The following DSCAM variants were observed in gnomAD, a reference collection of about 807,000 sequenced individuals.
The protein encoded by DSCAM is cell adhesion molecule DSCAM.
In DSCAM, 47 loss-of-function variants were observed where a neutral mutation model predicts 217.7. The observed-to-expected ratio is 0.22, with a 90% CI of 0.17 to 0.28. The LOEUF is 0.28. Among genes scored for constraint, DSCAM ranks in the 10% least tolerant of loss-of-function variants. DSCAM has a pLI of 1.00. For missense variants in DSCAM, 2,080 were observed against 2,618.3 expected (o/e 0.79, Z 4.49); for synonymous variants, 1,056 against 1,015.3 (o/e 1.04, Z -0.76).
chr21:40,325,999 T>C (rs971207416), intron 8 of DSCAM, among the ~76,000 whole-genome samples: 5 of 152,184 alleles, frequency 3.3e-5, no homozygotes, highest in African/African-American at 1.2e-4. Flanking sequence ...AAACTAAGCA[T>C]TCACTTTTGT....
chr21:40,533,953 C>G (rs1013954392), intron 3 of DSCAM, among the ~76,000 whole-genome samples: 2 of 152,108 alleles, frequency 1.3e-5, no homozygotes, highest in African/African-American at 4.8e-5. Flanking sequence ...GTTACTAATA[C>G]CTGATGTGCT....
chr21:40,498,733 GTGTATATATATA>G (rs1568855151), intron 3 of DSCAM, among the ~76,000 whole-genome samples: 1 of 14,964 alleles, frequency 6.7e-5, no homozygotes, highest in African/African-American at 2.6e-4. Flanking sequence ...ATATGGGTGT[GTGTATATATATA>G]TATATATATA....
chr21:40,389,731 C>T (rs1237090213), intron 3 of DSCAM, among the ~76,000 whole-genome samples: 1 of 152,128 alleles, frequency 6.6e-6, no homozygotes, highest in Non-Finnish European at 1.5e-5. Context: ...CAAGTACTCT[C>T]GAGAAATCTT....
intron 32 of DSCAM, among the ~76,000 whole-genome samples, chr21:40,039,936 A>G (rs917143528): frequency 2.0e-5 from 3 of 152,236 alleles, no homozygotes; most frequent in African/African-American, 7.2e-5. Context: ...GACGAATATC[A>G]TCTAGCGTGA....
intron 3 of DSCAM, among the ~76,000 whole-genome samples, chr21:40,408,398 G>A (rs143064801): frequency 6.6e-6 from 1 of 152,066 alleles, no homozygotes; most frequent in African/African-American, 2.4e-5. Flanking sequence ...GAGCTTTAAG[G>A]GCTTGAAAGG....
intron 19 of DSCAM, among the ~76,000 whole-genome samples, chr21:40,127,031 T>A (rs1179704178): frequency 6.6e-6 from 1 of 152,204 alleles, no homozygotes; most frequent in Non-Finnish European, 1.5e-5. Context: ...AGCACTTAGT[T>A]CCACGTCCTG....
At chr21:40,626,507 T>C (rs1238988929) in intron 3 of DSCAM, among the ~76,000 whole-genome samples, 2 of 152,232 alleles carry the variant, frequency 1.3e-5, no homozygotes, top group African/African-American at 4.8e-5. Flanking sequence ...TGACTTTCCA[T>C]TGAACTTAGA....
intron 3 of DSCAM, among the ~76,000 whole-genome samples, chr21:40,473,748 G>A (rs1431353635): frequency 1.3e-5 from 2 of 152,252 alleles, no homozygotes; most frequent in African/African-American, 2.4e-5. Flanking sequence ...ATCAAGATGA[G>A]CCCTAATCCA....
chr21:40,014,499 A>G (rs2088121779), intron 32 of DSCAM, among the ~76,000 whole-genome samples: 1 of 152,328 alleles, frequency 6.6e-6, no homozygotes, highest in East Asian at 1.9e-4. Context: ...CTGCAAGCCA[A>G]TGACAAGCGT....
chr21:40,137,654 A>G (rs1215568034), intron 18 of DSCAM, among the ~76,000 whole-genome samples: 1 of 150,518 alleles, frequency 6.6e-6, no homozygotes, highest in Non-Finnish European at 1.5e-5. Context: ...CATTAACTGA[A>G]GTGTATTGTT....
intron 1 of DSCAM, among the ~76,000 whole-genome samples, chr21:40,821,751 G>A (rs772623642): frequency 1.3e-5 from 2 of 152,108 alleles, no homozygotes; most frequent in South Asian, 2.1e-4. Flanking sequence ...GCAAACTAGT[G>A]CAGGAACAGA....
intron 3 of DSCAM, chr21:40,621,233 A>G (rs2089512261): frequency 6.6e-6 from 1 of 152,202 alleles, no homozygotes; most frequent in Non-Finnish European, 1.5e-5. Flanking sequence ...TATAACTACA[A>G]AAAAACAAAC....
At chr21:40,293,568 T>C (rs2073919896) in intron 10 of DSCAM, among the ~76,000 whole-genome samples, 1 of 152,194 alleles carries the variant, frequency 6.6e-6, no homozygotes, top group South Asian at 2.1e-4. Flanking sequence ...AACGTAATTA[T>C]TGATGTACTA....
At chr21:40,697,039 C>T (rs1182334930) in intron 2 of DSCAM, among the ~76,000 whole-genome samples, 2 of 152,128 alleles carry the variant, frequency 1.3e-5, no homozygotes, top group Non-Finnish European at 2.9e-5. Context: ...TACCCCTCAG[C>T]CAACTACTCT....
At chr21:40,606,205 G>C (rs1011688199) in intron 3 of DSCAM, among the ~76,000 whole-genome samples, 1 of 152,110 alleles carries the variant, frequency 6.6e-6, no homozygotes, top group Non-Finnish European at 1.5e-5. Flanking sequence ...TAATGCTTCT[G>C]AATTATAATA....
intron 3 of DSCAM, among the ~76,000 whole-genome samples, chr21:40,620,594 T>C (rs1303845480): frequency 2.0e-5 from 3 of 150,408 alleles, no homozygotes; most frequent in Middle Eastern, 3.5e-3. Flanking sequence ...AAAAAGAAGA[T>C]TGAGTAAGGG....
At chr21:40,567,239 T>C (rs1459570765) in intron 3 of DSCAM, among the ~76,000 whole-genome samples, 1 of 152,190 alleles carries the variant, frequency 6.6e-6, no homozygotes, top group Non-Finnish European at 1.5e-5. Flanking sequence ...GCCTAGCAAA[T>C]AGTTGGCCCC....
intron 10 of DSCAM, among the ~76,000 whole-genome samples, chr21:40,278,401 T>C (rs1453034262): frequency 2.0e-5 from 3 of 152,120 alleles, no homozygotes; most frequent in African/African-American, 4.8e-5. Context: ...AAAGTAGCCA[T>C]AGAAAATACA....
At chr21:40,450,630 A>T (rs773770689) in intron 3 of DSCAM, among the ~76,000 whole-genome samples, 1 of 152,186 alleles carries the variant, frequency 6.6e-6, no homozygotes, top group Non-Finnish European at 1.5e-5. Context: ...TTTGCTTGCA[A>T]ATGTTTGAGA....
Sources: gnomAD v4.1 joint callset for allele counts (sites outside exome capture counted in the v4.1 genomes callset) on GRCh38, gnomAD v4.1.1 for gene constraint, MANE v1.5 for transcripts, NCBI Gene and HGNC (gene_info 2026-07-23, HGNC 2026-07-21) for gene names.